Variants in SYNGR1 observed in about 807,000 individuals in gnomAD.
SYNGR1 encodes synaptogyrin-1.
Under a neutral mutation model 26.1 loss-of-function variants are expected in SYNGR1, and 14 were observed. That is an observed-to-expected ratio of 0.54 (90% CI 0.35 to 0.84). The LOEUF (loss-of-function observed/expected upper bound fraction) is 0.84, where lower values mean the gene tolerates loss of function less well. Among genes scored for constraint, SYNGR1 ranks in the 40% least tolerant of loss-of-function variants. The pLI is 0.01. For missense variants in SYNGR1, 319 were observed against 332.9 expected (o/e 0.96, Z 0.33); for synonymous variants, 141 against 150.1 (o/e 0.94, Z 0.44).
chr22:39,363,609 C>T (rs1601655997), intron 1 of SYNGR1, among the ~76,000 whole-genome samples: 2 of 152,178 alleles, frequency 1.3e-5, no homozygotes, highest in African/African-American at 4.8e-5. Flanking sequence ...GCAGGGGGAC[C>T]TCAGGGCCAT....
chr22:39,364,542 G>A (rs1048887582), intron 1 of SYNGR1, among the ~76,000 whole-genome samples: 2 of 152,198 alleles, frequency 1.3e-5, no homozygotes, highest in Non-Finnish European at 2.9e-5. Flanking sequence ...GAGTGACCAA[G>A]GCTCAGGGTG....
intron 1 of SYNGR1, among the ~76,000 whole-genome samples, chr22:39,358,562 T>C (rs1470227443): frequency 6.6e-6 from 1 of 150,944 alleles, no homozygotes; most frequent in Admixed American, 6.6e-5. Flanking sequence ...AACGAACAAC[T>C]CCAGACGCGC....
Position 39,350,281 on chromosome 22 carries a change from C to T in SYNGR1, c.99+172C>T, listed in dbSNP as rs569347151. On this transcript the variant is annotated intron_variant, in intron 1 of 3. Coordinates refer to ENST00000328933, the MANE Select transcript of SYNGR1 (RefSeq NM_004711.5). The surrounding 1 kb of genome is among the most constrained non-coding windows in gnomAD (Gnocchi z 4.3). ...GCCCGCTGCCGCCGCTCCTCCTTCC[C>T]GGGCCCGGGGCGGGCGGGATCCCTG... is the stretch of plus-strand genomic sequence containing the variant. 9.1e-4 allele frequency among the ~76,000 whole-genome samples: 139 copies of T among 152,002 alleles called. 1 individual carries two copies. Among genetic ancestry groups the T allele is most frequent in the African/African-American group, 3.2e-3 (134 of 41,522 alleles).
intron 3 of SYNGR1, chr22:39,377,568 A>C (rs1925341075): frequency 6.2e-7 from 1 of 1,610,052 alleles, no homozygotes; most frequent in African/African-American, 1.3e-5. Context: ...GCTCTTCCCC[A>C]CTGGCCTCAC....
chr22:39,375,778 A>G (rs1925250570), intron 2 of SYNGR1: 1 of 606,842 alleles, frequency 1.6e-6, no homozygotes, highest in Admixed American at 2.9e-5. Flanking sequence ...CTCCCCTCTC[A>G]CTGCCCGTGG....
At chr22:39,353,169 G>A (rs1051985437) in intron 1 of SYNGR1, among the ~76,000 whole-genome samples, 4 of 152,066 alleles carry the variant, frequency 2.6e-5, no homozygotes, top group Admixed American at 2.6e-4. Context: ...GCCTGGACCT[G>A]GGATTTTTGT....
intron 3 of SYNGR1, chr22:39,378,355 A>C: frequency 1.0e-6 from 1 of 976,070 alleles, no homozygotes; most frequent in Non-Finnish European, 1.2e-6. Flanking sequence ...AGCATGCTCA[A>C]TAAATGTAAG....
intron 1 of SYNGR1, among the ~76,000 whole-genome samples, chr22:39,364,533 A>AG (rs1227456639): frequency 2.6e-5 from 4 of 152,286 alleles, no homozygotes; most frequent in Non-Finnish European, 4.4e-5. Context: ...CCCAGCCAGG[A>AG]GTGACCAAGG....
chr22:39,382,194 C>A lies in SYNGR1; in HGVS notation c.*280C>A. ...GTGTCATCAAGCATTCCTTGAGCGC[C>A]TACTGGGCATCCGGCCTGTGCTGGG... On this transcript the variant is annotated 3_prime_UTR_variant, in exon 4 of 4. Coordinates refer to ENST00000328933, the MANE Select transcript of SYNGR1 (RefSeq NM_004711.5). 1.8e-6 allele frequency: 1 copy of A among 552,430 alleles called. No individual in the cohort carries two copies. Among genetic ancestry groups the A allele is most frequent in the Admixed American group, 3.1e-5 (1 of 32,326 alleles). 34.2% of individuals were successfully genotyped at this position (552,430 alleles called of 1,614,324 possible).
Position 39,384,613 on chromosome 22 carries a change from C to T in SYNGR1, c.*2699C>T. 7.5e-6 allele frequency: 3 copies of T among 398,890 alleles called. No homozygotes were observed. Among genetic ancestry groups the T allele is most frequent in the Middle Eastern group, 6.3e-4 (1 of 1,588 alleles). 24.7% of individuals were successfully genotyped at this position (398,890 alleles called of 1,614,324 possible). A position where few individuals can be genotyped will look rare whatever the true frequency, so the allele number is the denominator to read the frequency against. On this transcript the variant is annotated 3_prime_UTR_variant, in exon 4 of 4. Coordinates refer to ENST00000328933, the MANE Select transcript of SYNGR1 (RefSeq NM_004711.5). ...GCTCCTTCTGTTGGCAGAGGACAGC[C>T]CCTGGGGAACCCCAGGCCCAACTCT... is the stretch of plus-strand genomic sequence containing the variant.
chr22:39,377,129 C>T, intron 3 of SYNGR1: 1 of 1,524,362 alleles, frequency 6.6e-7, no homozygotes, highest in Non-Finnish European at 8.8e-7. Context: ...TGCAAGGAGA[C>T]TCTTGAGGCT....
chr22:39,359,396 C>T (rs912030661), intron 1 of SYNGR1, among the ~76,000 whole-genome samples: 7 of 151,500 alleles, frequency 4.6e-5, no homozygotes, highest in African/African-American at 1.2e-4. Context: ...CCAAGGCAGG[C>T]GGATCACAAG....
chr22:39,381,815 G>GT lies in SYNGR1; in HGVS notation c.603_604insT (p.Pro202SerfsTer73). 7.4e-7 allele frequency: 1 copy of GT among 1,359,782 alleles called. No homozygotes were observed. Among genetic ancestry groups the GT allele is most frequent in the Non-Finnish European group, 9.9e-7 (1 of 1,006,206 alleles). 84.2% of individuals were successfully genotyped at this position (1,359,782 alleles called of 1,614,324 possible). A position where few individuals can be genotyped will look rare whatever the true frequency, so the allele number is the denominator to read the frequency against. ...GCATGCCTTACGCGCCCTACGTGGA[G>GT]CCCACTGGGCCGGATCCCGCCGGTA... On this transcript the variant is annotated frameshift_variant, in exon 4 of 4. Transcript: ENST00000328933. LOFTEE classifies it high-confidence loss of function.
At position 39,382,019 on chromosome 22, in the gene SYNGR1, G is replaced by A; in HGVS notation, c.*105G>A. 2 of 1,315,396 alleles carry A rather than the reference G, an allele frequency of 1.5e-6. No homozygotes were observed. The highest frequency in any genetic ancestry group is 1.3e-5 in the South Asian group (1 of 78,798). 81.5% of individuals were successfully genotyped at this position (1,315,396 alleles called of 1,614,324 possible). On this transcript the variant is annotated 3_prime_UTR_variant, in exon 4 of 4. Transcript: ENST00000328933. ...CCTGCCCAGCGCCTCATCAGCCTCTGCCTTGTCCCACTGAGGTCCAGGGTA... is the reference window on the plus strand; with the variant it reads ...CCTGCCCAGCGCCTCATCAGCCTCTACCTTGTCCCACTGAGGTCCAGGGTA...
At chr22:39,377,031 C>T in intron 3 of SYNGR1, 1 of 1,551,014 alleles carries the variant, frequency 6.4e-7, no homozygotes, top group Non-Finnish European at 8.7e-7. Flanking sequence ...GGGGCCACAT[C>T]ACCTCCATAG....
At chr22:39,371,849 G>A (rs189958262) in intron 1 of SYNGR1, among the ~76,000 whole-genome samples, 10 of 152,168 alleles carry the variant, frequency 6.6e-5, no homozygotes, top group East Asian at 5.8e-4. Context: ...CTGACCAGTT[G>A]TGTGACTTTG....
chr22:39,356,524 C>T (rs555595673), intron 1 of SYNGR1, among the ~76,000 whole-genome samples: 2 of 152,096 alleles, frequency 1.3e-5, no homozygotes, highest in South Asian at 2.1e-4. Flanking sequence ...ACATGAGCAG[C>T]GTGTGCAAAG....
rs1925270808 is a variant in SYNGR1, at chr22:39,376,119, C to G, written c.405C>G (p.Pro135=). 1.2e-6 allele frequency: 2 copies of G among 1,614,206 alleles called. No homozygotes were observed. The highest frequency in any genetic ancestry group is 2.7e-5 in the African/African-American group (2 of 75,042). The change falls in exon 3 of 4, where the codon CCC becomes CCG. Residue 135 remains proline, a synonymous_variant. Coordinates refer to ENST00000328933, the MANE Select transcript of SYNGR1 (RefSeq NM_004711.5). Reference sequence around the variant, plus strand: ...CCAACCAGTGGCAGGTCTCCAAGCCCAAGGACAACCCACTGAACGAAGGGA... The same window carrying G: ...CCAACCAGTGGCAGGTCTCCAAGCCGAAGGACAACCCACTGAACGAAGGGA... ...YLANQWQVSK[P]KDNPLNEGTD... is the part of the protein sequence containing the mutation.
chr22:39,374,238 G>A, intron 1 of SYNGR1, 78 bp from the exon 2 acceptor site: 1 of 1,389,394 alleles, frequency 7.2e-7, no homozygotes, highest in South Asian at 1.2e-5. Context: ...AGCAGGCGAG[G>A]GTGGCAGCCT....
Sources: allele counts gnomAD v4.1 joint callset (sites outside exome capture counted in the v4.1 genomes callset), GRCh38; gene constraint gnomAD v4.1.1; non-coding constraint Gnocchi (gnomAD v3.1); transcripts MANE v1.5; gene names NCBI Gene and HGNC (gene_info 2026-07-23, HGNC 2026-07-21).